Variants in FOXO3 observed in about 807,000 individuals in gnomAD.
The protein encoded by FOXO3 is forkhead box O3, also known as forkhead box protein O3.
FOXO3 carries 4 observed loss-of-function variants against 41.9 expected under a neutral mutation model. The observed-to-expected ratio is 0.10, with a 90% confidence interval of 0.05 to 0.22. The LOEUF is 0.22. FOXO3 is among the 10% of genes least tolerant of loss of function. FOXO3 has a pLI of 1.00. For missense variants in FOXO3, 534 were observed against 906.8 expected (o/e 0.59, Z 5.28); for synonymous variants, 318 against 389.3 (o/e 0.82, Z 2.16).
At chr6:108,626,678 G>A (rs1358732399) in intron 1 of FOXO3, among the ~76,000 whole-genome samples, 3 of 151,618 alleles carry the variant, frequency 2.0e-5, no homozygotes, top group African/African-American at 4.9e-5. Flanking sequence ...ATGTCCTTTC[G>A]GGACAATCTT....
At chr6:108,630,051 TC>T (rs746797959) in intron 1 of FOXO3, among the ~76,000 whole-genome samples, 5 of 152,206 alleles carry the variant, frequency 3.3e-5, no homozygotes, top group Non-Finnish European at 5.9e-5. Flanking sequence ...TGGTCTAAAC[TC>T]TATGTTGCTC....
intron 1 of FOXO3, among the ~76,000 whole-genome samples, chr6:108,589,858 A>G (rs1242382168): frequency 6.6e-6 from 1 of 152,250 alleles, no homozygotes; most frequent in African/African-American, 2.4e-5. Flanking sequence ...ACTGAATGTT[A>G]GTCAAGCTAA....
chr6:108,650,297 A>G (rs933869451), intron 1 of FOXO3, among the ~76,000 whole-genome samples: 1 of 152,154 alleles, frequency 6.6e-6, no homozygotes. Flanking sequence ...TCTCCACCGT[A>G]TTCTGACCCC....
At chr6:108,592,476 T>C (rs1431492256) in intron 1 of FOXO3, among the ~76,000 whole-genome samples, 1 of 152,256 alleles carries the variant, frequency 6.6e-6, no homozygotes, top group Non-Finnish European at 1.5e-5. Flanking sequence ...GCATCTCATC[T>C]GCCTTCCTCC....
chr6:108,624,941 G>C (rs1286267255), intron 1 of FOXO3, among the ~76,000 whole-genome samples: 1 of 151,958 alleles, frequency 6.6e-6, no homozygotes, highest in Non-Finnish European at 1.5e-5. Flanking sequence ...AGTGTTTTTT[G>C]TTTTGTTTTG....
At chr6:108,601,030 C>T (rs754473349) in intron 1 of FOXO3, among the ~76,000 whole-genome samples, 3 of 151,572 alleles carry the variant, frequency 2.0e-5, no homozygotes, top group East Asian at 1.9e-4. Context: ...TTTTTTCTGA[C>T]GGAGTCTTGC....
intron 1 of FOXO3, among the ~76,000 whole-genome samples, chr6:108,609,556 G>A (rs920696499): frequency 6.6e-6 from 1 of 152,196 alleles, no homozygotes; most frequent in African/African-American, 2.4e-5. Flanking sequence ...CACTATTGAG[G>A]TTGCAGGTGG....
chr6:108,676,324 T>C (rs1770587290), intron 2 of FOXO3, among the ~76,000 whole-genome samples: 1 of 152,346 alleles, frequency 6.6e-6, no homozygotes, highest in African/African-American at 2.4e-5. Context: ...CATTTTCTTT[T>C]CAAAAGTTTT....
In FOXO3 at chr6:108,682,710, T is replaced by C. The variant is rs1186766503; in HGVS notation, c.*2918T>C. 6.6e-6 allele frequency: 1 copy of C among 152,214 alleles called. No homozygotes were observed. The highest frequency in any genetic ancestry group is 1.5e-5 in the Non-Finnish European group (1 of 68,046). The allele number at this position is 152,214 out of a possible 1,614,324, so 9.4% of individuals were successfully genotyped here. On this transcript the variant is annotated 3_prime_UTR_variant, in exon 3 of 3. Coordinates refer to ENST00000406360, the MANE Select transcript of FOXO3 (RefSeq NM_001455.4). ...GTTGGCCACCATGTCACATTCTGAG[T>C]GAGTGTCACAGGTCCCTAACAATAA...
At chr6:108,657,936 A>G (rs1778735415) in intron 1 of FOXO3, among the ~76,000 whole-genome samples, 1 of 152,148 alleles carries the variant, frequency 6.6e-6, no homozygotes, top group Non-Finnish European at 1.5e-5. Flanking sequence ...ACTTACATAG[A>G]GCTCTTTTTC....
chr6:108,618,541 C>G (rs80349352), intron 1 of FOXO3, among the ~76,000 whole-genome samples: 3,810 of 152,346 alleles, frequency 0.025, 124 homozygotes, highest in African/African-American at 0.074. Context: ...CTTTGTTAGG[C>G]TGGCTCCAGA....
intron 1 of FOXO3, among the ~76,000 whole-genome samples, chr6:108,654,583 G>A (rs1376182780): frequency 2.6e-5 from 4 of 152,038 alleles, no homozygotes; most frequent in South Asian, 2.1e-4. Context: ...AGAACCTGTC[G>A]CTTGCTTGCT....
At position 108,574,301 on chromosome 6, in the gene FOXO3, A is replaced by G. The variant is rs117477855; in HGVS notation, c.621+12472A>G. Among the ~76,000 whole-genome samples, 31 of 152,146 alleles carry G rather than the reference A, an allele frequency of 2.0e-4. No individual in the cohort carries two copies. The East Asian group carries it at 3.1e-3, about 15-fold the overall frequency. On this transcript the variant is annotated intron_variant, in intron 1 of 2. Transcript: ENST00000406360. ...CTGCCAGGTGTGACCATGGTTTACT[A>G]TGGGTCAGAGGCACAGTGTATTATT...
At chr6:108,616,182 TG>T (rs1482865337) in intron 1 of FOXO3, among the ~76,000 whole-genome samples, 1,834 of 106,074 alleles carry the variant, frequency 0.017, 70 homozygotes, top group African/African-American at 0.054. Flanking sequence ...TTTTTTTTTT[TG>T]AGATAGAGTC....
At chr6:108,625,306 T>C (rs1777781928) in intron 1 of FOXO3, among the ~76,000 whole-genome samples, 1 of 152,228 alleles carries the variant, frequency 6.6e-6, no homozygotes, top group South Asian at 2.1e-4. Context: ...TTTTTGTGTT[T>C]GCTTTATTTA....
At chr6:108,602,417 A>G (rs1475851551) in intron 1 of FOXO3, among the ~76,000 whole-genome samples, 2 of 152,148 alleles carry the variant, frequency 1.3e-5, no homozygotes, top group South Asian at 2.1e-4. Flanking sequence ...AAGTTTTCCA[A>G]TCCCACTTGG....
chr6:108,580,278 T>A (rs1776377449), intron 1 of FOXO3, among the ~76,000 whole-genome samples: 1 of 130,492 alleles, frequency 7.7e-6, no homozygotes, highest in Non-Finnish European at 1.6e-5. Context: ...AACCTCTGCC[T>A]CCTGGGTTCA....
intron 1 of FOXO3, among the ~76,000 whole-genome samples, chr6:108,566,865 T>C (rs1775959636): frequency 6.6e-6 from 1 of 152,212 alleles, no homozygotes; most frequent in Non-Finnish European, 1.5e-5. Context: ...TCAGTGGATG[T>C]TACAGCTGGT....
intron 1 of FOXO3, among the ~76,000 whole-genome samples, chr6:108,568,359 C>G (rs1163581015): frequency 1.3e-5 from 2 of 152,088 alleles, no homozygotes; most frequent in Non-Finnish European, 2.9e-5. Flanking sequence ...TGCTTCTCCT[C>G]CCCTCTTCTA....
Sources: gnomAD v4.1 joint callset for allele counts (sites outside exome capture counted in the v4.1 genomes callset) on GRCh38, gnomAD v4.1.1 for gene constraint, MANE v1.5 for transcripts, NCBI Gene and HGNC (gene_info 2026-07-23, HGNC 2026-07-21) for gene names.